Variants in EVC observed in about 807,000 individuals in gnomAD.
The protein encoded by EVC is evC complex member EVC.
In EVC, 116 loss-of-function variants were observed where a neutral mutation model predicts 118.9. The observed-to-expected ratio is 0.98, with a 90% confidence interval of 0.84 to 1.14. The LOEUF (loss-of-function observed/expected upper bound fraction) is 1.14, where lower values mean the gene tolerates loss of function less well. Ranked by LOEUF, EVC falls within the 50% of genes most tolerant of loss-of-function variation. The pLI, the probability that EVC is intolerant of heterozygous loss-of-function variation, is 0.00. For synonymous variants in EVC, 619 were observed against 534.7 expected (o/e 1.16, Z -2.18); for missense variants, 1,401 against 1,246.4 (o/e 1.12, Z -1.87).
Position 5,798,897 on chromosome 4 carries a change from C to A in EVC, c.2304+105C>A. On this transcript the variant is annotated intron_variant, in intron 15 of 20. Transcript: ENST00000264956. The surrounding 1 kb of genome is among the most constrained non-coding windows in gnomAD (Gnocchi z 4.1). Reference sequence around the variant, plus strand: ...CCACACCGTTCATGGAGCTTGTGGCCTAGTAGACTTTGCCTGACTTCTCCA... The same window carrying A: ...CCACACCGTTCATGGAGCTTGTGGCATAGTAGACTTTGCCTGACTTCTCCA... 7.9e-7 allele frequency: 1 copy of A among 1,269,128 alleles called. No homozygotes were observed. The highest frequency in any genetic ancestry group is 1.1e-6 in the Non-Finnish European group (1 of 891,552). The allele number at this position is 1,269,128 out of a possible 1,614,324, so 78.6% of individuals were successfully genotyped here. A position where few individuals can be genotyped will look rare whatever the true frequency, so the allele number is the denominator to read the frequency against.
rs1347163085 is a variant in EVC, at chr4:5,711,365, A to G, written c.-16A>G. ...AGGCGGCGGGATGCGGCGGGGCGGC[A>G]GCCTGAGCGCCCCGGATGGCCCGCG... On this transcript the variant is annotated 5_prime_UTR_variant, in exon 1 of 21. Transcript: ENST00000264956. 5.0e-6 allele frequency: 5 copies of G among 1,007,440 alleles called. No homozygotes were observed. Among genetic ancestry groups the G allele is most frequent in the Non-Finnish European group, 3.5e-6 (3 of 846,068 alleles). 62.4% of individuals were successfully genotyped at this position (1,007,440 alleles called of 1,614,324 possible). A position where few individuals can be genotyped will look rare whatever the true frequency, so the allele number is the denominator to read the frequency against.
the EVC span, chr4:5,825,073 G>T: frequency 2.0e-6 from 2 of 985,296 alleles, no homozygotes; most frequent in Non-Finnish European, 2.4e-6. This position sits in a 1 kb window ranked among gnomAD's most constrained non-coding sequence, Gnocchi z 4.4. Context: ...TTATGAAAGT[G>T]CTTAGTACAC....
chr4:5,768,977 G>C (rs1733492373), intron 11 of EVC, among the ~76,000 whole-genome samples: 1 of 152,130 alleles, frequency 6.6e-6, no homozygotes, highest in African/African-American at 2.4e-5. Flanking sequence ...CAGGCACACA[G>C]AGGCATCATT....
downstream of EVC, among the ~76,000 whole-genome samples, chr4:5,818,488 G>A (rs1172630690): frequency 3.9e-5 from 6 of 152,156 alleles, no homozygotes; most frequent in African/African-American, 1.4e-4. Flanking sequence ...TACCCAATGT[G>A]GCAGTACTGA....
At chr4:5,774,547 C>T (rs528987310) in intron 11 of EVC, among the ~76,000 whole-genome samples, 2 of 152,110 alleles carry the variant, frequency 1.3e-5, no homozygotes, top group South Asian at 4.2e-4. Context: ...CTTTGTAAAG[C>T]TCTAGACTAT....
chr4:5,797,159 G>A lies in EVC; in HGVS notation c.2024G>A (p.Arg675Gln), dbSNP rs143728868. 9.9e-6 allele frequency: 16 copies of A among 1,613,558 alleles called. No homozygotes were observed. Among genetic ancestry groups the A allele is most frequent in the East Asian group, 4.5e-5 (2 of 44,868 alleles). Residue 675 changes from arginine (R) to glutamine (Q), a missense_variant, in exon 14 of 21, where the codon CGG (arginine) becomes CAG (glutamine). Physicochemically the swap from Arg to Gln is conservative, Grantham distance 43 (BLOSUM62 1). Transcript: ENST00000264956. Reference sequence around the variant, plus strand: ...AAGAAGCACCTCCTGCAGGAGCTGCGGGAACAGCGTGCACTGGAGCAGGGG... The same window carrying A: ...AAGAAGCACCTCCTGCAGGAGCTGCAGGAACAGCGTGCACTGGAGCAGGGG... ...SGKKHLLQEL[R>Q]EQRALEQGSS...
intron 11 of EVC, among the ~76,000 whole-genome samples, chr4:5,757,430 A>G (rs1250204242): frequency 1.3e-5 from 2 of 152,252 alleles, no homozygotes; most frequent in African/African-American, 4.8e-5. Context: ...CACTGGGGTC[A>G]GTCATGTCTC....
At chr4:5,804,628 G>C (rs1358235460) in intron 16 of EVC, 102 bp from the exon 17 acceptor site, 1 of 890,856 alleles carries the variant, frequency 1.1e-6, no homozygotes, top group Admixed American at 1.9e-5. Context: ...CTCTTGGAGA[G>C]CTGGTGTGTC....
At position 5,798,975 on chromosome 4, in the gene EVC, A is replaced by G. The variant is rs542456325; in HGVS notation, c.2304+183A>G. On this transcript the variant is annotated intron_variant, in intron 15 of 20. Coordinates refer to ENST00000264956, the MANE Select transcript of EVC (RefSeq NM_153717.3). This position sits in a 1 kb window ranked among gnomAD's most constrained non-coding sequence, Gnocchi z 4.1. Reference sequence around the variant, plus strand: ...GGATCTTCTCCCTCGCAGAATGGGGAGGGGCAGTCGCAGCAGATCACCGGT... The same window carrying G: ...GGATCTTCTCCCTCGCAGAATGGGGGGGGGCAGTCGCAGCAGATCACCGGT... Among the ~76,000 whole-genome samples, 2 of 151,914 alleles carry G rather than the reference A, an allele frequency of 1.3e-5. No individual in the cohort carries two copies. Among genetic ancestry groups the G allele is most frequent in the Non-Finnish European group, 2.9e-5 (2 of 67,980 alleles).
intron 20 of EVC, 123 bp downstream of exon 20, chr4:5,810,573 C>T: frequency 1.3e-6 from 1 of 769,508 alleles, no homozygotes. Flanking sequence ...TGTGAAGGTT[C>T]AAGAAATGAC....
chr4:5,812,664 G>T lies in EVC; in HGVS notation c.*1627G>T. Reference sequence around the variant, plus strand: ...CTGGAGGGAAAATTGCTCCTTTGATGGAGGTTAGGGACTGTCACCCTCAGC... The same window carrying T: ...CTGGAGGGAAAATTGCTCCTTTGATTGAGGTTAGGGACTGTCACCCTCAGC... On this transcript the variant is annotated 3_prime_UTR_variant, in exon 21 of 21. Coordinates refer to ENST00000264956, the MANE Select transcript of EVC (RefSeq NM_153717.3). The T allele has an allele frequency of 6.0e-6, 1 of 167,494 alleles. No homozygotes were observed. Among genetic ancestry groups the T allele is most frequent in the Non-Finnish European group, 1.3e-5 (1 of 78,748 alleles). The allele number at this position is 167,494 out of a possible 1,614,324, so 10.4% of individuals were successfully genotyped here.
rs560865556 is a variant in EVC at position 5,731,547 on chromosome 4, G to A, written c.507G>A (p.Lys169=). Residue 169 remains lysine (K), a synonymous_variant, in exon 4 of 21, where the codon AAG becomes AAA. Coordinates refer to ENST00000264956, the MANE Select transcript of EVC (RefSeq NM_153717.3). This position sits in a 1 kb window ranked among gnomAD's most constrained non-coding sequence, Gnocchi z 5.6. ...TGGGGAGCCTGAGCCAGGGTGAGAA[G>A]GACGACTGCAGCTCCTCATCCAGCG... The part of the protein sequence containing the change: ...SSLGSLSQGE[K]DDCSSSSSVH... 2 of 1,614,108 alleles carry A rather than the reference G, an allele frequency of 1.2e-6. No homozygotes were observed. The highest frequency in any genetic ancestry group is 1.7e-5 in the Admixed American group (1 of 60,018).
In EVC at chr4:5,783,474, G is replaced by T. The variant is rs1158136067; in HGVS notation, c.1564-78G>T. On this transcript the variant is annotated intron_variant, in intron 11 of 20. Transcript: ENST00000264956. ...TTGTGTCTTGTGGGAGGCTTGTGGA[G>T]GAGAGGCAGAGAGCAGCTCAGGCCC... The T allele has an allele frequency of 3.6e-6, 5 of 1,391,524 alleles. No homozygotes were observed. The East Asian group carries it at 1.1e-4, about 32-fold the overall frequency. 86.2% of individuals were successfully genotyped at this position (1,391,524 alleles called of 1,614,324 possible). A position where few individuals can be genotyped will look rare whatever the true frequency, so the allele number is the denominator to read the frequency against.
At chr4:5,814,721 G>C (rs1315654751), downstream of EVC, among the ~76,000 whole-genome samples, 1 of 151,400 alleles carries the variant, frequency 6.6e-6, no homozygotes, top group African/African-American at 2.4e-5. Flanking sequence ...GCCCCCCACT[G>C]GGCCTTTGCT....
intron 17 of EVC, among the ~76,000 whole-genome samples, chr4:5,805,891 CTTTTTTT>C (rs4045512): frequency 9.7e-5 from 12 of 123,970 alleles, no homozygotes; most frequent in Admixed American, 2.6e-4. Context: ...AGTTTCTTTT[CTTTTTTT>C]TTTTTTTTTT....
chr4:5,778,368 C>T (rs1406121332), intron 11 of EVC, among the ~76,000 whole-genome samples: 32 of 151,560 alleles, frequency 2.1e-4, no homozygotes, highest in South Asian at 8.4e-4. Context: ...ATGGGATGGC[C>T]GGGTCAAATG....
At chr4:5,801,482 C>T (rs1232629515) in intron 15 of EVC, among the ~76,000 whole-genome samples, 3 of 152,094 alleles carry the variant, frequency 2.0e-5, no homozygotes, top group Non-Finnish European at 4.4e-5. Flanking sequence ...AGTTTGAGAC[C>T]AGCCTGGCCA....
At position 5,729,039 on chromosome 4, in the gene EVC, T is replaced by C. The variant is rs115771644; in HGVS notation, c.301-268T>C. Among the ~76,000 whole-genome samples, 2,092 of 152,202 alleles carry C rather than the reference T, an allele frequency of 0.014. 30 individuals are homozygous for C. Among genetic ancestry groups the C allele is most frequent in the Non-Finnish European group, 0.019 (1,262 of 68,016 alleles). On this transcript the variant is annotated intron_variant, in intron 2 of 20. Coordinates refer to ENST00000264956, the MANE Select transcript of EVC (RefSeq NM_153717.3). The stretch of plus-strand genomic sequence containing the variant: ...ATCCAACCACCCATCTATTCATCTG[T>C]CTACCTATCCATCCATCCACCTGTC...
At chr4:5,815,123 C>T (rs1002007550), downstream of EVC, among the ~76,000 whole-genome samples, 3 of 152,044 alleles carry the variant, frequency 2.0e-5, no homozygotes, top group Non-Finnish European at 4.4e-5. Flanking sequence ...GAACAGTGGT[C>T]TTAAGGATTG....
Sources: allele counts gnomAD v4.1 joint callset (sites outside exome capture counted in the v4.1 genomes callset), GRCh38; gene constraint gnomAD v4.1.1; non-coding constraint Gnocchi (gnomAD v3.1); transcripts MANE v1.5; gene names NCBI Gene and HGNC (gene_info 2026-07-23, HGNC 2026-07-21).